The following IQSEC3 variants were observed in gnomAD, a reference collection of about 807,000 sequenced individuals.
IQSEC3 encodes the protein IQ motif and Sec7 domain ArfGEF 3.
IQSEC3 carries 50 observed loss-of-function variants against 105.4 expected under a neutral mutation model. That is an observed-to-expected ratio of 0.47 (90% CI 0.38 to 0.60). The LOEUF is 0.60. Ranked by LOEUF, IQSEC3 falls within the 20% of genes least tolerant of loss-of-function variation. The probability of loss-of-function intolerance (pLI) is 0.00; values close to 1 mark genes in which losing one functional copy is unlikely to be tolerated. For synonymous variants in IQSEC3, 708 were observed against 746.0 expected, an observed-to-expected ratio of 0.95 and a Z score of 0.83; for missense variants, 1,415 against 1,630.0, an observed-to-expected ratio of 0.87 and a Z score of 2.27.
chr12:126,003 C>T, intron 3 of IQSEC3, 91 bp downstream of exon 3: 2 of 1,283,730 alleles, frequency 1.6e-6, no homozygotes, highest in East Asian at 5.2e-5. Context: ...CCCGCTGGGT[C>T]CCCTCCGCTA....
At chr12:159,290 C>T (rs782777818) in intron 7 of IQSEC3, among the ~76,000 whole-genome samples, 1 of 152,232 alleles carries the variant, frequency 6.6e-6, no homozygotes, top group East Asian at 1.9e-4. Context: ...GAGTCATCTT[C>T]CGGGAGCCTC....
chr12:84,729 T>C (rs1863860366), intron 1 of IQSEC3, among the ~76,000 whole-genome samples: 1 of 152,214 alleles, frequency 6.6e-6, no homozygotes, highest in South Asian at 2.1e-4. Flanking sequence ...AGCAAACAGC[T>C]GTTTTTGTGG....
At chr12:169,682 C>T (rs77320964) in intron 12 of IQSEC3, among the ~76,000 whole-genome samples, 42,391 of 152,112 alleles carry the variant, frequency 0.28, 6,438 homozygotes, top group South Asian at 0.42. Context: ...GTCACACTGG[C>T]TCCAGAGCTG....
chr12:147,687 A>G (rs1555091435), intron 5 of IQSEC3: 1 of 152,204 alleles, frequency 6.6e-6, no homozygotes, highest in African/African-American at 2.4e-5. Context: ...GGCCCTGGGG[A>G]AAAGAAATGA....
intron 1 of IQSEC3, among the ~76,000 whole-genome samples, chr12:76,829 T>C (rs1202245960): frequency 6.6e-6 from 1 of 152,262 alleles, no homozygotes; most frequent in East Asian, 1.9e-4. Context: ...CCCTGCAGGA[T>C]ATCTCGGCCT....
chr12:97,472 T>G (rs1437407528), intron 1 of IQSEC3, among the ~76,000 whole-genome samples: 1 of 152,224 alleles, frequency 6.6e-6, no homozygotes, highest in Non-Finnish European at 1.5e-5. Flanking sequence ...TCCTTTTAAT[T>G]TCTCTCATTT....
At chr12:114,389 G>A (rs1199916145) in intron 2 of IQSEC3, among the ~76,000 whole-genome samples, 9 of 152,210 alleles carry the variant, frequency 5.9e-5, no homozygotes, top group African/African-American at 1.9e-4. Flanking sequence ...GGTCTAGTCC[G>A]TCCCATGGGA....
chr12:160,176 G>GT (rs34294220), intron 7 of IQSEC3, among the ~76,000 whole-genome samples: 149 of 148,588 alleles, frequency 1.0e-3, no homozygotes, highest in East Asian at 6.1e-3. Flanking sequence ...CCTTTTTTCT[G>GT]TTTTTTTTTT....
intron 5 of IQSEC3, among the ~76,000 whole-genome samples, chr12:154,933 C>G (rs1178743332): frequency 2.7e-5 from 4 of 146,804 alleles, no homozygotes; most frequent in African/African-American, 8.0e-5. Flanking sequence ...CCCCATCTCT[C>G]TGGCCCACAC....
chr12:157,744 C>T, intron 7 of IQSEC3, 50 bp downstream of exon 7: 3 of 1,566,624 alleles, frequency 1.9e-6, no homozygotes, highest in Non-Finnish European at 2.6e-6. Flanking sequence ...GGCTCAGGCC[C>T]CATTCTGTGC....
chr12:128,672 G>C (rs1555084205), intron 3 of IQSEC3, among the ~76,000 whole-genome samples: 2 of 152,002 alleles, frequency 1.3e-5, no homozygotes, highest in Non-Finnish European at 2.9e-5. Flanking sequence ...AACAGTTCCC[G>C]AATCCCACCC....
intron 1 of IQSEC3, among the ~76,000 whole-genome samples, chr12:70,736 C>G (rs1437756870): frequency 6.6e-6 from 1 of 152,282 alleles, no homozygotes; most frequent in Non-Finnish European, 1.5e-5. Flanking sequence ...CGTTTAGTGT[C>G]CATGGATGAC....
intron 1 of IQSEC3, among the ~76,000 whole-genome samples, chr12:79,050 C>T (rs1259269318): frequency 6.6e-6 from 1 of 152,228 alleles, no homozygotes; most frequent in Non-Finnish European, 1.5e-5. Flanking sequence ...TGACACCCCT[C>T]CGCCATCTAC....
In IQSEC3 at chr12:138,603, G is replaced by C. The variant is rs1555087417; in HGVS notation, c.1240G>C (p.Asp414His). 3 of 1,589,242 alleles carry C rather than the reference G, an allele frequency of 1.9e-6. No individual in the cohort carries two copies. Residue 414 changes from aspartate to histidine, a missense_variant, in exon 4 of 14, where the codon GAC (aspartate) becomes CAC (histidine). This residue lies in a region of IQSEC3 where 720 missense variants were observed against 633.0 expected (regional missense o/e 1.14). Transcript: ENST00000538872. The surrounding 1 kb of genome is among the most constrained non-coding windows in gnomAD (Gnocchi z 7.1). ...EQVQSLAKSI[D>H]DALSTWSLKT... ...GGTGCAATCCCTGGCCAAGTCCATCGACGACGCGCTCAGCACGTGGAGCCT... is the reference window on the plus strand; with the variant it reads ...GGTGCAATCCCTGGCCAAGTCCATCCACGACGCGCTCAGCACGTGGAGCCT...
intron 2 of IQSEC3, among the ~76,000 whole-genome samples, chr12:108,088 T>A (rs1555078524): frequency 6.6e-6 from 1 of 151,660 alleles, no homozygotes; most frequent in African/African-American, 2.4e-5. Context: ...TCCACAAGCC[T>A]GTTCCCTAAC....
chr12:119,794 C>G (rs1308385040), intron 2 of IQSEC3, among the ~76,000 whole-genome samples: 1 of 152,168 alleles, frequency 6.6e-6, no homozygotes, highest in African/African-American at 2.4e-5. Context: ...TGTGGACAGC[C>G]CTTGGAAGGA....
chr12:122,804 C>T (rs1865262827), intron 2 of IQSEC3, among the ~76,000 whole-genome samples: 2 of 152,176 alleles, frequency 1.3e-5, no homozygotes, highest in South Asian at 4.1e-4. Flanking sequence ...AAGCACATTC[C>T]AGCAATCAAA....
chr12:85,399 C>T (rs367618921), intron 1 of IQSEC3, among the ~76,000 whole-genome samples: 3 of 152,256 alleles, frequency 2.0e-5, no homozygotes, highest in Non-Finnish European at 2.9e-5. Flanking sequence ...GATGCAGCCA[C>T]GGGCCCAGCT....
chr12:164,098 A>G (rs781840550), intron 9 of IQSEC3, among the ~76,000 whole-genome samples: 2 of 152,238 alleles, frequency 1.3e-5, no homozygotes, highest in Non-Finnish European at 2.9e-5. Context: ...GAAAAGAAGT[A>G]TCCATTCAAC....
Sources: allele counts gnomAD v4.1 joint callset (sites outside exome capture counted in the v4.1 genomes callset), GRCh38; gene constraint gnomAD v4.1.1; regional missense constraint gnomAD v4.1.1; non-coding constraint Gnocchi (gnomAD v3.1); transcripts MANE v1.5; gene names NCBI Gene and HGNC (gene_info 2026-07-23, HGNC 2026-07-21).